The following TNFRSF11B variants were observed in gnomAD, a reference collection of about 807,000 sequenced individuals.
The protein encoded by TNFRSF11B is TNF receptor superfamily member 11b.
In TNFRSF11B, 16 loss-of-function variants were observed where a neutral mutation model predicts 43.4. That is an observed-to-expected ratio of 0.37 (90% CI 0.25 to 0.56). The LOEUF is 0.56. Among genes scored for constraint, TNFRSF11B ranks in the 20% least tolerant of loss-of-function variants. TNFRSF11B has a pLI of 0.80. For missense variants in TNFRSF11B, 444 were observed against 490.1 expected (o/e 0.91, Z 0.89); for synonymous variants, 185 against 181.8 (o/e 1.02, Z -0.14).
intron 1 of TNFRSF11B, among the ~76,000 whole-genome samples, chr8:118,949,219 A>G (rs1812607139): frequency 6.6e-6 from 1 of 152,084 alleles, no homozygotes; most frequent in Admixed American, 6.5e-5. Context: ...CTAGAATTCT[A>G]TTTTGCTACA....
chr8:118,944,684 G>C (rs1812533504), intron 1 of TNFRSF11B, among the ~76,000 whole-genome samples: 1 of 152,024 alleles, frequency 6.6e-6, no homozygotes, highest in Admixed American at 6.6e-5. Flanking sequence ...AGAGGTCTCT[G>C]TCTATCAGCC....
intron 3 of TNFRSF11B, 65 bp from the exon 4 acceptor site, chr8:118,926,783 T>C (rs1043311885): frequency 7.0e-7 from 1 of 1,438,560 alleles, no homozygotes; most frequent in Non-Finnish European, 9.6e-7. Flanking sequence ...GTCTATTCAA[T>C]ACAAACAAAA....
intron 4 of TNFRSF11B, among the ~76,000 whole-genome samples, chr8:118,925,860 C>G (rs1484060033): frequency 1.3e-5 from 2 of 152,218 alleles, no homozygotes; most frequent in Admixed American, 6.5e-5. Context: ...CTATCTCTCT[C>G]TGTTTCTCTC....
intron 2 of TNFRSF11B, among the ~76,000 whole-genome samples, chr8:118,931,580 G>A (rs2129893450): frequency 6.6e-6 from 1 of 152,254 alleles, no homozygotes; most frequent in African/African-American, 2.4e-5. Flanking sequence ...CTTAGCTTTT[G>A]AGTCTCAAAG....
In TNFRSF11B at chr8:118,933,028, G is replaced by A. The variant is rs780363937; in HGVS notation, c.303C>T (p.His101=). 6.2e-7 allele frequency: 1 copy of A among 1,614,058 alleles called. No homozygotes were observed. The highest frequency in any genetic ancestry group is 1.7e-5 in the Admixed American group (1 of 60,008). Residue 101 remains histidine, a synonymous_variant, in exon 2 of 5, where the codon CAC becomes CAT. Coordinates refer to ENST00000297350, the MANE Select transcript of TNFRSF11B (RefSeq NM_002546.4). ...QYVKQECNRT[H]NRVCECKEGR... ...CTTCCTTGCATTCGCACACGCGGTT[G>A]TGGGTGCGATTGCACTCCTGCTTGA...
At chr8:118,943,030 CCT>C in intron 1 of TNFRSF11B, among the ~76,000 whole-genome samples, 1 of 152,172 alleles carries the variant, frequency 6.6e-6, no homozygotes, top group East Asian at 1.9e-4. Flanking sequence ...CTTCTCCCTT[CCT>C]CTCTCGTCCT....
chr8:118,931,095 A>G (rs1266078348), intron 2 of TNFRSF11B, among the ~76,000 whole-genome samples: 9 of 152,252 alleles, frequency 5.9e-5, no homozygotes, highest in Admixed American at 1.3e-4. Context: ...TGCTCTAAGT[A>G]ATTCCACAGG....
chr8:118,936,039 G>A (rs1281176198), intron 1 of TNFRSF11B, among the ~76,000 whole-genome samples: 2 of 152,122 alleles, frequency 1.3e-5, no homozygotes, highest in East Asian at 1.9e-4. Context: ...AGAAGAAGCC[G>A]TATAAATACA....
chr8:118,938,792 T>C (rs1050591243), intron 1 of TNFRSF11B, among the ~76,000 whole-genome samples: 1 of 152,232 alleles, frequency 6.6e-6, no homozygotes, highest in African/African-American at 2.4e-5. Context: ...TCTACTGGTG[T>C]ATGCATCTTC....
At position 118,924,446 on chromosome 8, in the gene TNFRSF11B, G is replaced by A. The variant is rs767607488; in HGVS notation, c.1134C>T (p.Tyr378=). 5 of 1,613,908 alleles carry A rather than the reference G, an allele frequency of 3.1e-6. No homozygotes were observed. The highest frequency in any genetic ancestry group is 2.7e-5 in the African/African-American group (2 of 74,906). ...CTAAAAATAACTTCTGATACAATTT[G>A]TACATTGTGAAGCTGTGAAGGAACC... The part of the protein sequence containing the change: ...TIRFLHSFTM[Y]KLYQKLFLEM... Residue 378 remains tyrosine, a synonymous_variant, in exon 5 of 5, where the codon TAC becomes TAT. Transcript: ENST00000297350.
chr8:118,935,598 A>T (rs898658714), intron 1 of TNFRSF11B, among the ~76,000 whole-genome samples: 1 of 152,204 alleles, frequency 6.6e-6, no homozygotes. Flanking sequence ...CCTATAATAT[A>T]TATAGGAGAA....
chr8:118,923,870 C>G lies in TNFRSF11B; in HGVS notation c.*504G>C, dbSNP rs1812213554. 1 of 152,638 alleles carries G rather than the reference C, an allele frequency of 6.6e-6. No individual in the cohort carries two copies. Among genetic ancestry groups the G allele is most frequent in the South Asian group, 2.1e-4 (1 of 4,832 alleles). The allele number at this position is 152,638 out of a possible 1,614,324, so 9.5% of individuals were successfully genotyped here. A position where few individuals can be genotyped will look rare whatever the true frequency, so the allele number is the denominator to read the frequency against. Reference sequence around the variant, plus strand: ...GTCATAATAAACAGAATATAATTTTCTTTCTAAAATTAAGTCATACCGTTT... The same window carrying G: ...GTCATAATAAACAGAATATAATTTTGTTTCTAAAATTAAGTCATACCGTTT... On this transcript the variant is annotated 3_prime_UTR_variant, in exon 5 of 5. Transcript: ENST00000297350.
chr8:118,948,797 A>G (rs1039327560), intron 1 of TNFRSF11B, among the ~76,000 whole-genome samples: 2 of 151,194 alleles, frequency 1.3e-5, no homozygotes, highest in East Asian at 3.9e-4. Context: ...ACAAACAAAA[A>G]AAAACTTAAC....
chr8:118,942,660 C>A (rs1425964029), intron 1 of TNFRSF11B, among the ~76,000 whole-genome samples: 1 of 152,140 alleles, frequency 6.6e-6, no homozygotes, highest in Non-Finnish European at 1.5e-5. Flanking sequence ...CCATCCCCTG[C>A]AACCATCTCT....
chr8:118,935,469 GTAATTACAAAT>G (rs1563691113), intron 1 of TNFRSF11B, among the ~76,000 whole-genome samples: 1 of 152,112 alleles, frequency 6.6e-6, no homozygotes, highest in East Asian at 1.9e-4. Flanking sequence ...ATTACAGCAA[GTAATTACAAAT>G]AATGATCAAA....
chr8:118,933,423 A>G, intron 1 of TNFRSF11B, 123 bp from the exon 2 acceptor site: 1 of 1,472,180 alleles, frequency 6.8e-7, no homozygotes, highest in Non-Finnish European at 9.3e-7. Context: ...TTTGCCACAA[A>G]GTAAGCTTGG....
At chr8:118,937,311 C>T (rs562596572) in intron 1 of TNFRSF11B, among the ~76,000 whole-genome samples, 106 of 152,296 alleles carry the variant, frequency 7.0e-4, no homozygotes, top group African/African-American at 2.5e-3. Context: ...TTGCTCTAAT[C>T]CCCTTCATAC....
At chr8:118,934,082 A>G (rs1386412116) in intron 1 of TNFRSF11B, among the ~76,000 whole-genome samples, 2 of 152,324 alleles carry the variant, frequency 1.3e-5, no homozygotes, top group East Asian at 1.9e-4. Flanking sequence ...CACGGTGCTC[A>G]TATTGGGGAC....
At chr8:118,950,866 G>A (rs1004348327) in intron 1 of TNFRSF11B, among the ~76,000 whole-genome samples, 6 of 152,128 alleles carry the variant, frequency 3.9e-5, no homozygotes, top group Non-Finnish European at 7.4e-5. Flanking sequence ...GGAGGTTGAA[G>A]TTCAAACATT....
Sources: gnomAD v4.1 joint callset for allele counts (sites outside exome capture counted in the v4.1 genomes callset) on GRCh38, gnomAD v4.1.1 for gene constraint, MANE v1.5 for transcripts, NCBI Gene and HGNC (gene_info 2026-07-23, HGNC 2026-07-21) for gene names.